UBTD2: variants seen among roughly 807,000 people sequenced by gnomAD.
UBTD2 encodes the protein ubiquitin domain-containing protein 2.
A neutral mutation model predicts 19.8 loss-of-function variants in UBTD2; 9 were observed. That is an observed-to-expected ratio of 0.46 (90% CI 0.27 to 0.79). UBTD2 has a LOEUF of 0.79. Ranked by LOEUF, UBTD2 falls within the 30% of genes least tolerant of loss-of-function variation. UBTD2 has a pLI of 0.14. For synonymous variants in UBTD2, 98 were observed against 103.9 expected (o/e 0.94, Z 0.35); for missense variants, 250 against 300.4 (o/e 0.83, Z 1.24).
At chr5:172,268,558 C>G (rs967764979) in intron 1 of UBTD2, among the ~76,000 whole-genome samples, 1 of 152,158 alleles carries the variant, frequency 6.6e-6, no homozygotes, top group East Asian at 1.9e-4. Context: ...ACCAGCCTGG[C>G]CAACATGGTA....
At position 172,227,544 on chromosome 5, in the gene UBTD2, ATTTT is replaced by A. The variant is rs1164528145; in HGVS notation, c.307+6574_307+6577del. Among the ~76,000 whole-genome samples the A allele has an allele frequency of 4.1e-5, 6 of 146,512 alleles. No homozygotes were observed. The Admixed American group carries it at 4.1e-4, about 10-fold the overall frequency. On this transcript the variant is annotated intron_variant, in intron 2 of 2. Transcript: ENST00000393792. The stretch of plus-strand genomic sequence containing the variant: ...ACTTATCAACTTTGTTAAATGACAA[ATTTT>A]TTTTTTTTGTATTTTTATTAAAGAT...
At chr5:172,266,626 T>C (rs1755379843) in intron 1 of UBTD2, among the ~76,000 whole-genome samples, 1 of 152,184 alleles carries the variant, frequency 6.6e-6, no homozygotes, top group African/African-American at 2.4e-5. Context: ...AAAAGTAATG[T>C]CAGGTGAGAG....
rs1755339786 is a variant in UBTD2, at chr5:172,264,761, A to G, written c.70+18835T>C. The stretch of plus-strand genomic sequence containing the variant: ...CATAGTGGCATGCGCCTATAGTCCC[A>G]GCCACTCAGAAGGCTGAGGTGAGAA... On this transcript the variant is annotated intron_variant, in intron 1 of 2. Coordinates refer to ENST00000393792, the MANE Select transcript of UBTD2 (RefSeq NM_152277.3). Among the ~76,000 whole-genome samples the G allele has an allele frequency of 2.6e-5, 4 of 152,034 alleles. No individual in the cohort carries two copies. The South Asian group carries it at 8.3e-4, about 32-fold the overall frequency.
At chr5:172,250,584 C>G (rs560563383) in intron 1 of UBTD2, among the ~76,000 whole-genome samples, 12 of 152,174 alleles carry the variant, frequency 7.9e-5, no homozygotes, top group African/African-American at 2.9e-4. Context: ...GGGGATATAA[C>G]TAAACAATGC....
chr5:172,258,418 G>A (rs1414534243), intron 1 of UBTD2, among the ~76,000 whole-genome samples: 1 of 152,208 alleles, frequency 6.6e-6, no homozygotes, highest in Non-Finnish European at 1.5e-5. Context: ...AGGTCAGGTA[G>A]TGTGATGCTT....
intron 1 of UBTD2, among the ~76,000 whole-genome samples, chr5:172,275,868 C>G (rs1755596481): frequency 6.6e-6 from 1 of 152,192 alleles, no homozygotes. Context: ...CAAGCTACCT[C>G]AATATTCCTG....
rs575384907 is a variant in UBTD2 at position 172,250,635 on chromosome 5, G to A, written c.71-16277C>T. 6.6e-5 allele frequency among the ~76,000 whole-genome samples: 10 copies of A among 152,218 alleles called. No homozygotes were observed. In the South Asian group the frequency reaches 2.1e-3, roughly 32 times the overall value. On this transcript the variant is annotated intron_variant, in intron 1 of 2. Coordinates refer to ENST00000393792, the MANE Select transcript of UBTD2 (RefSeq NM_152277.3). The stretch of plus-strand genomic sequence containing the variant: ...TTTGACTATTAATGGAGATAATAGT[G>A]AATTGTGAATAAGGCCTATACAGTA...
chr5:172,235,005 G>A (rs1410189643), intron 1 of UBTD2, among the ~76,000 whole-genome samples: 1 of 152,180 alleles, frequency 6.6e-6, no homozygotes, highest in African/African-American at 2.4e-5. Context: ...AGGAGGCTAT[G>A]TATGTGTAGG....
At chr5:172,251,690 G>A (rs998567809) in intron 1 of UBTD2, among the ~76,000 whole-genome samples, 1 of 151,902 alleles carries the variant, frequency 6.6e-6, no homozygotes, top group Non-Finnish European at 1.5e-5. Context: ...CAGAATGAAG[G>A]AAAGATAAAA....
chr5:172,256,838 T>G (rs539301843), intron 1 of UBTD2, among the ~76,000 whole-genome samples: 1 of 152,116 alleles, frequency 6.6e-6, no homozygotes, highest in African/African-American at 2.4e-5. Flanking sequence ...GGAGAATCGC[T>G]TGAACCCCGC....
intron 1 of UBTD2, among the ~76,000 whole-genome samples, chr5:172,265,927 GT>G (rs200089104): frequency 7.5e-5 from 11 of 146,132 alleles, no homozygotes; most frequent in Non-Finnish European, 9.1e-5. Flanking sequence ...ACCACCCATT[GT>G]TTTTTTTTTT....
intron 1 of UBTD2, among the ~76,000 whole-genome samples, chr5:172,239,853 G>T (rs1772091836): frequency 6.6e-6 from 1 of 151,822 alleles, no homozygotes; most frequent in African/African-American, 2.4e-5. Flanking sequence ...GCAGTGAGCC[G>T]AGATCACACC....
At chr5:172,258,894 G>T (rs971076347) in intron 1 of UBTD2, among the ~76,000 whole-genome samples, 1 of 152,112 alleles carries the variant, frequency 6.6e-6, no homozygotes, top group African/African-American at 2.4e-5. Context: ...AATCTGCAAA[G>T]AAAGAGTTTG....
intron 1 of UBTD2, chr5:172,254,631 C>T: frequency 3.1e-6 from 2 of 642,140 alleles, no homozygotes; most frequent in South Asian, 3.7e-5. Context: ...GTAATCACAT[C>T]TGTGTATCCT....
At chr5:172,254,608 T>C (rs1404275700) in intron 1 of UBTD2, 2 of 649,976 alleles carry the variant, frequency 3.1e-6, no homozygotes, top group African/African-American at 1.9e-5. Context: ...GCGTACACTT[T>C]GTTGCATCCA....
intron 1 of UBTD2, among the ~76,000 whole-genome samples, chr5:172,270,308 T>C (rs1477430178): frequency 1.3e-5 from 2 of 151,620 alleles, no homozygotes; most frequent in East Asian, 3.9e-4. Context: ...TGAGTAGCTC[T>C]TATTCAAAAG....
At chr5:172,279,225 GT>G (rs1383767145) in intron 1 of UBTD2, among the ~76,000 whole-genome samples, 13 of 152,330 alleles carry the variant, frequency 8.5e-5, no homozygotes, top group African/African-American at 3.1e-4. Context: ...AGTAATTGCG[GT>G]TTTTGCAATT....
At chr5:172,228,018 A>G (rs1464851129) in intron 2 of UBTD2, among the ~76,000 whole-genome samples, 1 of 152,094 alleles carries the variant, frequency 6.6e-6, no homozygotes, top group East Asian at 1.9e-4. Context: ...CCACACCAAA[A>G]TTCATGGCCT....
intron 1 of UBTD2, among the ~76,000 whole-genome samples, chr5:172,282,678 C>A (rs920289950): frequency 6.6e-6 from 1 of 152,186 alleles, no homozygotes; most frequent in Non-Finnish European, 1.5e-5. Flanking sequence ...CTAAAATATT[C>A]TACAGAATGG....
Sources: gnomAD v4.1 joint callset for allele counts (sites outside exome capture counted in the v4.1 genomes callset) on GRCh38, gnomAD v4.1.1 for gene constraint, MANE v1.5 for transcripts, NCBI Gene and HGNC (gene_info 2026-07-23, HGNC 2026-07-21) for gene names.